The following PM20D2 variants were observed in gnomAD, a reference collection of about 807,000 sequenced individuals.
PM20D2 encodes peptidase M20 domain containing 2.
A neutral mutation model predicts 42.9 loss-of-function variants in PM20D2; 33 were observed. The ratio of observed to expected loss-of-function variants is 0.77; its 90% CI spans 0.58 to 1.03. PM20D2 has a LOEUF of 1.03. PM20D2 is among the 50% of genes least tolerant of loss of function. The pLI is 0.00. For missense variants in PM20D2, 548 were observed against 557.0 expected (o/e 0.98, Z 0.16); for synonymous variants, 250 against 228.2 (o/e 1.10, Z -0.86).
the PM20D2 span, among the ~76,000 whole-genome samples, chr6:89,135,394 G>A: frequency 2.1e-4 from 32 of 150,986 alleles, no homozygotes; most frequent in South Asian, 6.2e-3. Context: ...TAGGATTATC[G>A]TCAAATTTGG....
At chr6:89,140,925 T>G in the PM20D2 span, among the ~76,000 whole-genome samples, 6 of 152,142 alleles carry the variant, frequency 3.9e-5, no homozygotes, top group African/African-American at 1.4e-4. Context: ...GAAGCAAGGG[T>G]CTGTCAGGTA....
the PM20D2 span, among the ~76,000 whole-genome samples, chr6:89,112,360 AATTTGAAAAAT>A: frequency 6.6e-6 from 1 of 152,112 alleles, no homozygotes; most frequent in Non-Finnish European, 1.5e-5. Context: ...TAGTAAATAA[AATTTGAAAAAT>A]ATTTGAAAAA....
At chr6:89,124,504 T>G in the PM20D2 span, among the ~76,000 whole-genome samples, 2 of 152,192 alleles carry the variant, frequency 1.3e-5, no homozygotes, top group Non-Finnish European at 2.9e-5. Flanking sequence ...GGAAACAGAT[T>G]AGTTCTCTGG....
the PM20D2 span, among the ~76,000 whole-genome samples, chr6:89,103,772 TTC>T: frequency 3.3e-5 from 5 of 152,096 alleles, no homozygotes; most frequent in African/African-American, 9.7e-5. Context: ...TATAATTAAT[TTC>T]TGTTGTGATT....
At chr6:89,103,375 C>T in the PM20D2 span, among the ~76,000 whole-genome samples, 1 of 151,336 alleles carries the variant, frequency 6.6e-6, no homozygotes, top group South Asian at 2.1e-4. Flanking sequence ...GTCACCCAGG[C>T]TGGAGAGCAG....
chr6:89,097,474 A>G, the PM20D2 span: 1 of 151,056 alleles, frequency 6.6e-6, no homozygotes. Context: ...AAATTCAAAT[A>G]CTGCAAAGTT....
chr6:89,149,480 A>T, intron 2 of PM20D2, 67 bp downstream of exon 2: 1 of 1,522,480 alleles, frequency 6.6e-7, no homozygotes, highest in Non-Finnish European at 8.9e-7. Flanking sequence ...TTATGTCTAA[A>T]CCAGAGACGA....
the PM20D2 span, among the ~76,000 whole-genome samples, chr6:89,103,410 C>CG: frequency 6.6e-6 from 1 of 151,876 alleles, no homozygotes; most frequent in East Asian, 1.9e-4. Context: ...CTCACTGCAA[C>CG]CTCTGCCTCC....
At chr6:89,161,972 C>T (rs547820447) in intron 6 of PM20D2, 82 bp downstream of exon 6, 1 of 1,478,810 alleles carries the variant, frequency 6.8e-7, no homozygotes, top group African/African-American at 1.4e-5. Flanking sequence ...CCTACTATTT[C>T]ACTACATAAC....
chr6:89,097,233 G>A, the PM20D2 span: 1 of 152,080 alleles, frequency 6.6e-6, no homozygotes, highest in Non-Finnish European at 1.5e-5. Context: ...TATGGATTGA[G>A]AACTTTGAAG....
At chr6:89,131,194 A>G in the PM20D2 span, among the ~76,000 whole-genome samples, 1 of 152,064 alleles carries the variant, frequency 6.6e-6, no homozygotes. Context: ...AAATTAATCT[A>G]TTAACCCATG....
chr6:89,104,351 C>T, the PM20D2 span, among the ~76,000 whole-genome samples: 5 of 151,836 alleles, frequency 3.3e-5, no homozygotes, highest in South Asian at 1.0e-3. Context: ...ATTCTCCTGC[C>T]TCAACCTCCT....
Position 89,153,770 on chromosome 6 carries a change from A to G in PM20D2, c.757+585A>G, listed in dbSNP as rs1770939812. 2.0e-5 allele frequency among the ~76,000 whole-genome samples: 3 copies of G among 151,788 alleles called. No homozygotes were observed. In the South Asian group the frequency reaches 6.2e-4, roughly 32 times the overall value. ...GCAGACACCACCAAACCCAGCTAAT[A>G]TTTGTATTTTTTGCAGAGACGGGGT... On this transcript the variant is annotated intron_variant, in intron 3 of 6. Coordinates refer to ENST00000275072, the MANE Select transcript of PM20D2 (RefSeq NM_001010853.3).
intron 4 of PM20D2, among the ~76,000 whole-genome samples, chr6:89,158,006 C>T (rs1771108558): frequency 6.6e-6 from 1 of 152,078 alleles, no homozygotes; most frequent in East Asian, 1.9e-4. Context: ...GACTCCATCT[C>T]AAAAATAAAA....
chr6:89,157,775 C>T (rs938454867), intron 4 of PM20D2, among the ~76,000 whole-genome samples: 5 of 152,138 alleles, frequency 3.3e-5, no homozygotes, highest in African/African-American at 1.2e-4. Context: ...GAGGCCGAGA[C>T]GGGCAGATCA....
At chr6:89,099,450 ATGTGTG>A in the PM20D2 span, among the ~76,000 whole-genome samples, 1,489 of 138,668 alleles carry the variant, frequency 0.011, 15 homozygotes, top group East Asian at 0.061. Context: ...ACACATATAT[ATGTGTG>A]TATATATGTG....
At chr6:89,132,887 AT>A in the PM20D2 span, among the ~76,000 whole-genome samples, 2 of 150,704 alleles carry the variant, frequency 1.3e-5, no homozygotes, top group Non-Finnish European at 2.9e-5. Context: ...TTCAAAAGGA[AT>A]TTTAATCTTT....
intron 4 of PM20D2, among the ~76,000 whole-genome samples, chr6:89,157,744 C>T (rs1268119971): frequency 6.6e-6 from 1 of 152,182 alleles, no homozygotes; most frequent in Non-Finnish European, 1.5e-5. Flanking sequence ...GTGGCTCATG[C>T]CTGTAATCCC....
the PM20D2 span, chr6:89,107,110 G>C: frequency 8.9e-4 from 1,317 of 1,487,544 alleles, 9 homozygotes; most frequent in African/African-American, 0.016. Flanking sequence ...GTATAAGCAC[G>C]CATATACAGT....
Sources: allele counts gnomAD v4.1 joint callset (sites outside exome capture counted in the v4.1 genomes callset), GRCh38; gene constraint gnomAD v4.1.1; transcripts MANE v1.5; gene names NCBI Gene and HGNC (gene_info 2026-07-23, HGNC 2026-07-21).